Variants in LGR6 observed in about 807,000 individuals in gnomAD.
The protein encoded by LGR6 is leucine-rich repeat-containing G protein-coupled receptor 6.
LGR6 carries 45 observed loss-of-function variants against 69.4 expected under a neutral mutation model. The observed-to-expected ratio is 0.65, with a 90% CI of 0.51 to 0.83. LGR6 has a LOEUF of 0.83. LGR6 is among the 40% of genes least tolerant of loss of function. The pLI is 0.00. For synonymous variants in LGR6, 538 were observed against 555.0 expected, an observed-to-expected ratio of 0.97 and a Z score of 0.43; for missense variants, 1,108 against 1,246.7, an observed-to-expected ratio of 0.89 and a Z score of 1.68.
chr1:202,225,601 G>A (rs1038470294), intron 2 of LGR6, 107 bp downstream of exon 2: 11 of 972,612 alleles, frequency 1.1e-5, no homozygotes, highest in Admixed American at 2.1e-5. Flanking sequence ...AGGGGCTTGG[G>A]AAGCTAAGAC....
intron 6 of LGR6, among the ~76,000 whole-genome samples, chr1:202,283,904 C>T (rs1028013045): frequency 6.6e-6 from 1 of 152,252 alleles, no homozygotes; most frequent in Non-Finnish European, 1.5e-5. Context: ...GGCTTTGCCC[C>T]TGCAAGCTGG....
intron 1 of LGR6, among the ~76,000 whole-genome samples, chr1:202,204,462 TCC>T (rs1658980873): frequency 1.4e-4 from 2 of 13,960 alleles, no homozygotes; most frequent in Admixed American, 9.2e-4. Flanking sequence ...CACACACACC[TCC>T]ACACACACAC....
intron 6 of LGR6, among the ~76,000 whole-genome samples, chr1:202,288,378 T>C (rs1174039772): frequency 6.6e-6 from 1 of 152,170 alleles, no homozygotes; most frequent in Non-Finnish European, 1.5e-5. Context: ...CCCTTACCGC[T>C]CCATGAGTTT....
At chr1:202,221,292 T>TC (rs1660138412) in intron 1 of LGR6, among the ~76,000 whole-genome samples, 1 of 152,104 alleles carries the variant, frequency 6.6e-6, no homozygotes, top group Non-Finnish European at 1.5e-5. Flanking sequence ...CTCTGACCCC[T>TC]CCATCCCCCA....
intron 4 of LGR6, among the ~76,000 whole-genome samples, chr1:202,239,115 GGGGTAGGTGTCTTCCAACCA>G (rs1010154742): frequency 3.9e-5 from 6 of 152,122 alleles, no homozygotes; most frequent in South Asian, 4.2e-4. Context: ...TCCATCTTCA[GGGGTAGGTGTCTTCCAACCA>G]GGGTAGGTGT....
chr1:202,314,176 C>T (rs569538183), intron 16 of LGR6, among the ~76,000 whole-genome samples: 2 of 152,276 alleles, frequency 1.3e-5, no homozygotes, highest in South Asian at 2.1e-4. Context: ...TGGTTCTACC[C>T]TCTGGGGCAA....
chr1:202,220,280 T>C (rs1464255488), intron 1 of LGR6, among the ~76,000 whole-genome samples: 1 of 152,048 alleles, frequency 6.6e-6, no homozygotes, highest in East Asian at 1.9e-4. Context: ...TGCAGTGGCA[T>C]GATCTTGGCT....
chr1:202,197,046 C>T (rs760857882), intron 1 of LGR6: 23 of 533,194 alleles, frequency 4.3e-5, no homozygotes, highest in South Asian at 2.9e-4. Context: ...AGAGAAGACT[C>T]GAAGATCCTT....
chr1:202,301,859 A>G (rs1453298520), intron 9 of LGR6, among the ~76,000 whole-genome samples: 2 of 152,082 alleles, frequency 1.3e-5, no homozygotes, highest in Non-Finnish European at 2.9e-5. Flanking sequence ...TCTACTAAAA[A>G]TACAAAAAAA....
chr1:202,253,617 ATTC>A (rs1663473000), intron 4 of LGR6, among the ~76,000 whole-genome samples: 1 of 80,580 alleles, frequency 1.2e-5, no homozygotes, highest in Non-Finnish European at 2.4e-5. Context: ...TGGTCCTACT[ATTC>A]TTTTTTTTTT....
At chr1:202,213,953 T>G in intron 1 of LGR6, 1 of 694,112 alleles carries the variant, frequency 1.4e-6, no homozygotes, top group African/African-American at 1.9e-5. Context: ...GTTGGGCAGG[T>G]ATTTTAGATC....
At chr1:202,306,354 G>A (rs1286737940) in intron 12 of LGR6, among the ~76,000 whole-genome samples, 3 of 152,146 alleles carry the variant, frequency 2.0e-5, no homozygotes, top group Non-Finnish European at 4.4e-5. Flanking sequence ...CCTGCTTCTA[G>A]GCAGGACCAT....
intron 1 of LGR6, chr1:202,196,904 G>A (rs1165318828): frequency 2.2e-5 from 9 of 418,004 alleles, no homozygotes; most frequent in Non-Finnish European, 3.9e-5. Context: ...TGGTTCTGGG[G>A]ACTTGGAGCC....
At chr1:202,256,987 A>C (rs1345102802) in intron 4 of LGR6, among the ~76,000 whole-genome samples, 1 of 151,932 alleles carries the variant, frequency 6.6e-6, no homozygotes, top group African/African-American at 2.4e-5. Flanking sequence ...CTTTTTGTGT[A>C]CTTATTGGCC....
At chr1:202,212,982 T>G (rs1659520012) in intron 1 of LGR6, among the ~76,000 whole-genome samples, 2 of 152,250 alleles carry the variant, frequency 1.3e-5, no homozygotes, top group African/African-American at 4.8e-5. Flanking sequence ...TACTTGAGAT[T>G]CCTCCAGCAC....
intron 3 of LGR6, among the ~76,000 whole-genome samples, chr1:202,230,241 T>G (rs1660904419): frequency 6.6e-6 from 1 of 152,130 alleles, no homozygotes; most frequent in Non-Finnish European, 1.5e-5. Flanking sequence ...CCCTCTCTCA[T>G]GTCTTTCCCA....
rs1659922226 is a variant in LGR6, at chr1:202,218,358, G to A, written c.213-7065G>A. On this transcript the variant is annotated intron_variant, in intron 1 of 17. Transcript: ENST00000367278. The stretch of plus-strand genomic sequence containing the variant: ...CTGTTGTCCAGCCTGGAGTGTAGTG[G>A]TACTACCCTAGCTCACTGCAGCTTC... Among the ~76,000 whole-genome samples, 3 of 152,148 alleles carry A rather than the reference G, an allele frequency of 2.0e-5. No homozygotes were observed. In the South Asian group the frequency reaches 6.2e-4, roughly 32 times the overall value.
intron 4 of LGR6, among the ~76,000 whole-genome samples, chr1:202,241,663 G>C (rs979997266): frequency 6.6e-6 from 1 of 151,858 alleles, no homozygotes; most frequent in African/African-American, 2.4e-5. Flanking sequence ...GAAACTGGGT[G>C]GGGGTGAGGC....
intron 12 of LGR6, among the ~76,000 whole-genome samples, chr1:202,306,100 G>C (rs1653164974): frequency 1.3e-5 from 2 of 152,168 alleles, no homozygotes; most frequent in Non-Finnish European, 2.9e-5. Context: ...AGGCTTTAAG[G>C]AGTTGGAAGC....
Sources: gnomAD v4.1 joint callset for allele counts (sites outside exome capture counted in the v4.1 genomes callset) on GRCh38, gnomAD v4.1.1 for gene constraint, MANE v1.5 for transcripts, NCBI Gene and HGNC (gene_info 2026-07-23, HGNC 2026-07-21) for gene names.